IVNS1ABP: variants seen among roughly 807,000 people sequenced by gnomAD.
The protein encoded by IVNS1ABP is influenza virus NS1A binding protein.
Under a neutral mutation model 78.9 loss-of-function variants are expected in IVNS1ABP, and 25 were observed. The ratio of observed to expected loss-of-function variants is 0.32; its 90% CI spans 0.23 to 0.44. IVNS1ABP has a LOEUF of 0.44. Among genes scored for constraint, IVNS1ABP ranks in the 20% least tolerant of loss-of-function variants. IVNS1ABP has a pLI of 1.00. For missense variants in IVNS1ABP, 494 were observed against 768.9 expected, an observed-to-expected ratio of 0.64 and a Z score of 4.23; for synonymous variants, 241 against 259.7, an observed-to-expected ratio of 0.93 and a Z score of 0.69.
In IVNS1ABP at chr1:185,317,162, A is replaced by G. The variant is rs1666061219; in HGVS notation, c.-456T>C. ...CGCGGGAACTCGCTCGCTCGCCGAT[A>G]CAGCCGCGCCGAAGCAGCAGGCGGA... is the stretch of plus-strand genomic sequence containing the variant. On this transcript the variant is annotated 5_prime_UTR_variant, in exon 1 of 15. Coordinates refer to ENST00000367498, the MANE Select transcript of IVNS1ABP (RefSeq NM_006469.5). 2.5e-6 allele frequency: 1 copy of G among 397,826 alleles called. No individual in the cohort carries two copies. Among genetic ancestry groups the G allele is most frequent in the Non-Finnish European group, 4.4e-6 (1 of 225,972 alleles). The allele number at this position is 397,826 out of a possible 1,614,324, so 24.6% of individuals were successfully genotyped here.
chr1:185,297,141 G>T lies in IVNS1ABP; in HGVS notation c.*894C>A, dbSNP rs1267680226. ...TTCACAATTGAGGGCTGCTATTTAG[G>T]ACTGTTTTGTTAATAATAAAAACAG... On this transcript the variant is annotated 3_prime_UTR_variant, in exon 15 of 15. Coordinates refer to ENST00000367498, the MANE Select transcript of IVNS1ABP (RefSeq NM_006469.5). 6.6e-6 allele frequency: 1 copy of T among 152,032 alleles called. No individual in the cohort carries two copies. Among genetic ancestry groups the T allele is most frequent in the African/African-American group, 2.4e-5 (1 of 41,404 alleles). The allele number at this position is 152,032 out of a possible 1,614,324, so 9.4% of individuals were successfully genotyped here.
intron 7 of IVNS1ABP, chr1:185,306,470 TAA>T (rs1320135061): frequency 2.3e-6 from 3 of 1,288,904 alleles, no homozygotes; most frequent in Non-Finnish European, 3.0e-6. Flanking sequence ...AAGAATCCTG[TAA>T]AGGAGTAAAC....
chr1:185,310,842 C>T lies in IVNS1ABP; in HGVS notation c.-19+253G>A, dbSNP rs200374588. ...GCAGTGAGCTATGATCCCACCACTG[C>T]ACTCCAGCCTGGACAACAGAGATCT... On this transcript the variant is annotated intron_variant, in intron 2 of 14. Coordinates refer to ENST00000367498, the MANE Select transcript of IVNS1ABP (RefSeq NM_006469.5). Among the ~76,000 whole-genome samples the T allele has an allele frequency of 4.7e-5, 7 of 149,958 alleles. No individual in the cohort carries two copies. The East Asian group carries it at 1.4e-3, about 30-fold the overall frequency.
chr1:185,315,151 G>A (rs1665982293), intron 1 of IVNS1ABP, among the ~76,000 whole-genome samples: 1 of 152,090 alleles, frequency 6.6e-6, no homozygotes, highest in Non-Finnish European at 1.5e-5. Context: ...CTATACAATC[G>A]CACTGCTAAA....
At chr1:185,302,916 CAAGTT>C (rs796791584) in intron 8 of IVNS1ABP, among the ~76,000 whole-genome samples, 56 of 152,134 alleles carry the variant, frequency 3.7e-4, no homozygotes, top group African/African-American at 1.3e-3. Flanking sequence ...TATACTATGA[CAAGTT>C]ATGTCATACT....
rs1665473099 is a variant in IVNS1ABP at position 185,298,179 on chromosome 1, T to A, written c.1785A>T (p.Pro595=). ...EWKMMGNMTS[P]RSNAGIATVG... Reference sequence around the variant, plus strand: ...CAGTTGCAATCCCAGCATTGCTCCTTGGTGAAGTCATATTTCCCATCATCT... The same window carrying A: ...CAGTTGCAATCCCAGCATTGCTCCTAGGTGAAGTCATATTTCCCATCATCT... The change falls in exon 15 of 15, where the codon CCA becomes CCT. Residue 595 remains proline, a synonymous_variant. Transcript: ENST00000367498. This position sits in a 1 kb window ranked among gnomAD's most constrained non-coding sequence, Gnocchi z 4.1. 1 of 1,613,874 alleles carries A rather than the reference T, an allele frequency of 6.2e-7. No homozygotes were observed. Among genetic ancestry groups the A allele is most frequent in the African/African-American group, 1.3e-5 (1 of 75,024 alleles).
intron 2 of IVNS1ABP, among the ~76,000 whole-genome samples, chr1:185,310,013 ATTATAT>A (rs1665842118): frequency 6.6e-6 from 1 of 152,190 alleles, no homozygotes; most frequent in Non-Finnish European, 1.5e-5. Flanking sequence ...AGTCTTCAAA[ATTATAT>A]ATAATCAAGA....
chr1:185,305,735 C>A lies in IVNS1ABP; in HGVS notation c.658-92G>T. The A allele has an allele frequency of 7.1e-7, 1 of 1,402,258 alleles. No individual in the cohort carries two copies. The highest frequency in any genetic ancestry group is 1.4e-5 in the African/African-American group (1 of 70,082). The allele number at this position is 1,402,258 out of a possible 1,614,324, so 86.9% of individuals were successfully genotyped here. A position where few individuals can be genotyped will look rare whatever the true frequency, so the allele number is the denominator to read the frequency against. On this transcript the variant is annotated intron_variant, in intron 7 of 14. Transcript: ENST00000367498. The surrounding 1 kb of genome is among the most constrained non-coding windows in gnomAD (Gnocchi z 4.0). ...TACACAAACGCCTCAAGGTAACCTC[C>A]AGTGTGCTTCTTGAGCTTCTTGACA...
At chr1:185,299,334 TAGAC>T (rs1665505116) in intron 14 of IVNS1ABP, 1 of 247,266 alleles carries the variant, frequency 4.0e-6, no homozygotes, top group Admixed American at 4.9e-5. Context: ...AGGTATGGAG[TAGAC>T]AGTTGGAAAA....
At chr1:185,299,533 TTTGATTAGAAAA>T in intron 14 of IVNS1ABP, 165 bp downstream of exon 14, 1 of 651,486 alleles carries the variant, frequency 1.5e-6, no homozygotes, top group Non-Finnish European at 2.7e-6. Flanking sequence ...ATTATAAGTC[TTTGATTAGAAAA>T]TATATTTCTA....
rs1295395463 is a variant in IVNS1ABP at position 185,307,657 on chromosome 1, A to G, written c.363T>C (p.Cys121=). ...CCATTCTAGACAGTAAATAATCACC[A>G]CAAACCTTGGAAAAGAAATATATGA... The part of the protein sequence containing the change: ...KLKMDRVKQV[C]GDYLLSRMDV... The change falls in exon 6 of 15, where the codon TGT becomes TGC. Residue 121 remains cysteine, a synonymous_variant. Transcript: ENST00000367498. The G allele has an allele frequency of 1.9e-6, 3 of 1,611,464 alleles. No individual in the cohort carries two copies. The highest frequency in any genetic ancestry group is 2.5e-6 in the Non-Finnish European group (3 of 1,178,874).
chr1:185,310,200 C>A (rs920938188), intron 2 of IVNS1ABP, among the ~76,000 whole-genome samples: 1 of 152,134 alleles, frequency 6.6e-6, no homozygotes, highest in African/African-American at 2.4e-5. Flanking sequence ...TTCATATATT[C>A]TAAATCACTT....
At chr1:185,301,303 C>A in intron 9 of IVNS1ABP, 107 bp from the exon 10 acceptor site, 1 of 1,413,918 alleles carries the variant, frequency 7.1e-7, no homozygotes, top group Non-Finnish European at 9.8e-7. Flanking sequence ...GAACAATCTG[C>A]TCTCGTTTTC....
intron 1 of IVNS1ABP, among the ~76,000 whole-genome samples, chr1:185,315,474 C>T (rs911462658): frequency 5.9e-5 from 9 of 152,168 alleles, no homozygotes; most frequent in African/African-American, 1.9e-4. Context: ...ATTAGGAAAA[C>T]ACAGAGGAAA....
Position 185,300,867 on chromosome 1 carries a change from T to A in IVNS1ABP, c.1120+105A>T, listed in dbSNP as rs926205083. ...ATAGTATTGTTATTTCCCTATCTTATTGGATTGCCGTGAAAGATGGCATAT... is the reference window on the plus strand; with the variant it reads ...ATAGTATTGTTATTTCCCTATCTTAATGGATTGCCGTGAAAGATGGCATAT... On this transcript the variant is annotated intron_variant, in intron 10 of 14. Transcript: ENST00000367498. 3 of 823,436 alleles carry A rather than the reference T, an allele frequency of 3.6e-6. No individual in the cohort carries two copies. In the African/African-American group the frequency reaches 5.1e-5, roughly 14 times the overall value. 51.0% of individuals were successfully genotyped at this position (823,436 alleles called of 1,614,324 possible). A position where few individuals can be genotyped will look rare whatever the true frequency, so the allele number is the denominator to read the frequency against.
rs1182611586 is a variant in IVNS1ABP at position 185,305,135 on chromosome 1, A to G, written c.765+401T>C. On this transcript the variant is annotated intron_variant, in intron 8 of 14. Transcript: ENST00000367498. This position sits in a 1 kb window ranked among gnomAD's most constrained non-coding sequence, Gnocchi z 4.0. ...TTTCTAATTTCCAGTAAGACAGCTC[A>G]GTAGTTAAGGTAACATCCAAAAATT... Among the ~76,000 whole-genome samples, 1 of 152,182 alleles carries G rather than the reference A, an allele frequency of 6.6e-6. No individual in the cohort carries two copies. The highest frequency in any genetic ancestry group is 1.9e-4 in the East Asian group (1 of 5,196).
chr1:185,306,381 T>A, intron 7 of IVNS1ABP: 1 of 975,376 alleles, frequency 1.0e-6, no homozygotes, highest in Admixed American at 3.0e-5. Context: ...TCTTGTGTAT[T>A]TTTTTTAAAA....
rs773503497 is a variant in IVNS1ABP at position 185,298,000 on chromosome 1, A to G, written c.*35T>C. The G allele has an allele frequency of 4.4e-6, 7 of 1,601,292 alleles. No individual in the cohort carries two copies. The highest frequency in any genetic ancestry group is 1.7e-4 in the Middle Eastern group (1 of 6,012). ...TACCTCTACTAACCATAATTACATC[A>G]CTAAGCCTGTTAGTTTGAGAGGGTC... is the stretch of plus-strand genomic sequence containing the variant. On this transcript the variant is annotated 3_prime_UTR_variant, in exon 15 of 15. Coordinates refer to ENST00000367498, the MANE Select transcript of IVNS1ABP (RefSeq NM_006469.5).
rs377251052 is a variant in IVNS1ABP, at chr1:185,307,099, T to C, written c.572A>G (p.Asn191Ser). The C allele has an allele frequency of 1.2e-5, 19 of 1,613,368 alleles. No homozygotes were observed. The highest frequency in any genetic ancestry group is 1.5e-5 in the Non-Finnish European group (18 of 1,179,522). The change falls in exon 7 of 15, where the codon AAT becomes AGT. Residue 191 changes from asparagine (N) to serine (S), a missense_variant. Coordinates refer to ENST00000367498, the MANE Select transcript of IVNS1ABP (RefSeq NM_006469.5). The stretch of plus-strand genomic sequence containing the variant: ...GATTACCTTTGTATATAATTTGCCA[T>C]TGCTGGGCAAGCAAACATTATCTTC... ...MLEDNVCLPS[N>S]GKLYTKVINW...
Sources: gnomAD v4.1 joint callset for allele counts (sites outside exome capture counted in the v4.1 genomes callset) on GRCh38, gnomAD v4.1.1 for gene constraint, Gnocchi (gnomAD v3.1) non-coding constraint, MANE v1.5 for transcripts, NCBI Gene and HGNC (gene_info 2026-07-23, HGNC 2026-07-21) for gene names.